UBASH3B: variants seen among roughly 807,000 people sequenced by gnomAD.
The protein encoded by UBASH3B is ubiquitin-associated and SH3 domain-containing protein B.
A neutral mutation model predicts 83.4 loss-of-function variants in UBASH3B; 37 were observed. That is an observed-to-expected ratio of 0.44 (90% confidence interval 0.34 to 0.58). UBASH3B has a LOEUF of 0.58. Among genes scored for constraint, UBASH3B ranks in the 20% least tolerant of loss-of-function variants. The pLI is 0.01. For synonymous variants in UBASH3B, 304 were observed against 318.3 expected, an observed-to-expected ratio of 0.96 and a Z score of 0.48; for missense variants, 657 against 827.2, an observed-to-expected ratio of 0.79 and a Z score of 2.52.
At chr11:122,741,912 C>T (rs1246959440) in intron 1 of UBASH3B, among the ~76,000 whole-genome samples, 1 of 152,176 alleles carries the variant, frequency 6.6e-6, no homozygotes, top group Non-Finnish European at 1.5e-5. Flanking sequence ...CAGTCCAACC[C>T]CGCTAGGAGG....
At chr11:122,712,479 G>T (rs1383970454) in intron 1 of UBASH3B, among the ~76,000 whole-genome samples, 1 of 152,082 alleles carries the variant, frequency 6.6e-6, no homozygotes, top group Non-Finnish European at 1.5e-5. Context: ...TGGACCCAGG[G>T]GCTCTCATGC....
intron 1 of UBASH3B, among the ~76,000 whole-genome samples, chr11:122,674,746 T>TG (rs1863645354): frequency 7.9e-6 from 1 of 126,738 alleles, no homozygotes; most frequent in Non-Finnish European, 1.7e-5. Context: ...TTTTTTTTTT[T>TG]GAGGCGGAGT....
intron 11 of UBASH3B, among the ~76,000 whole-genome samples, chr11:122,804,383 G>C (rs536471618): frequency 6.6e-6 from 1 of 152,260 alleles, no homozygotes; most frequent in South Asian, 2.1e-4. Flanking sequence ...ATATGGGCAA[G>C]TTTCCTTCAA....
intron 1 of UBASH3B, among the ~76,000 whole-genome samples, chr11:122,666,407 T>C (rs1362640952): frequency 1.3e-5 from 2 of 150,874 alleles, no homozygotes; most frequent in Non-Finnish European, 3.0e-5. Flanking sequence ...GTTTTTTTTT[T>C]CTTTTGTTTT....
At chr11:122,805,746 C>T (rs1328937379) in intron 11 of UBASH3B, among the ~76,000 whole-genome samples, 1 of 152,102 alleles carries the variant, frequency 6.6e-6, no homozygotes, top group Non-Finnish European at 1.5e-5. Flanking sequence ...CACAGCCAGG[C>T]CCCCAGGCCG....
intron 1 of UBASH3B, among the ~76,000 whole-genome samples, chr11:122,751,902 C>T (rs1054031982): frequency 6.6e-6 from 1 of 152,162 alleles, no homozygotes; most frequent in Non-Finnish European, 1.5e-5. Context: ...AGACCAATTG[C>T]TACAACCAAA....
At chr11:122,688,274 C>A (rs986092603) in intron 1 of UBASH3B, among the ~76,000 whole-genome samples, 1 of 151,518 alleles carries the variant, frequency 6.6e-6, no homozygotes, top group Non-Finnish European at 1.5e-5. Context: ...CCTTCCTCCC[C>A]TTCCTTCCTC....
chr11:122,750,541 T>C (rs1861183696), intron 1 of UBASH3B, among the ~76,000 whole-genome samples: 1 of 152,126 alleles, frequency 6.6e-6, no homozygotes, highest in Admixed American at 6.6e-5. Flanking sequence ...ATTCCATCCA[T>C]CCTGAAGAGA....
chr11:122,781,340 C>T (rs1313140292), intron 4 of UBASH3B, among the ~76,000 whole-genome samples: 4 of 152,166 alleles, frequency 2.6e-5, no homozygotes. Flanking sequence ...TTTCTCTCAT[C>T]CCACAGTAGT....
chr11:122,807,446 C>A (rs544462473), intron 12 of UBASH3B, among the ~76,000 whole-genome samples: 39 of 152,198 alleles, frequency 2.6e-4, no homozygotes, highest in Non-Finnish European at 4.9e-4. Flanking sequence ...TGATACTGTA[C>A]CATAGTTATG....
intron 3 of UBASH3B, among the ~76,000 whole-genome samples, chr11:122,778,488 A>C (rs183867450): frequency 2.9e-4 from 44 of 151,958 alleles, no homozygotes; most frequent in Middle Eastern, 3.4e-3. Context: ...AGTACAGATG[A>C]TACAAAATAG....
chr11:122,762,476 G>A (rs1001414021), intron 1 of UBASH3B, among the ~76,000 whole-genome samples: 1 of 152,120 alleles, frequency 6.6e-6, no homozygotes, highest in South Asian at 2.1e-4. Flanking sequence ...GGATACTTCC[G>A]CTCAGCAAAA....
intron 1 of UBASH3B, among the ~76,000 whole-genome samples, chr11:122,732,939 G>T (rs1255316264): frequency 6.6e-6 from 1 of 152,098 alleles, no homozygotes; most frequent in African/African-American, 2.4e-5. Flanking sequence ...CTCTCTCAAT[G>T]AATCATTAAA....
rs910180576 is a variant in UBASH3B, at chr11:122,738,751, G to T, written c.162-37468G>T. 3.3e-5 allele frequency among the ~76,000 whole-genome samples: 5 copies of T among 152,046 alleles called. No homozygotes were observed. The East Asian group carries it at 5.8e-4, about 18-fold the overall frequency. On this transcript the variant is annotated intron_variant, in intron 1 of 13. Transcript: ENST00000284273. ...AAAAATACAAAATTAGCTGGGCGTG[G>T]TGGTGCATGCCTGTAATCACAGCTA... is the stretch of plus-strand genomic sequence containing the variant.
At chr11:122,660,442 A>G (rs564471996) in intron 1 of UBASH3B, among the ~76,000 whole-genome samples, 7 of 152,290 alleles carry the variant, frequency 4.6e-5, no homozygotes, top group African/African-American at 1.7e-4. Context: ...CCTTGAGGCT[A>G]GTGAGGTTGG....
At chr11:122,665,058 G>A (rs1182958894) in intron 1 of UBASH3B, among the ~76,000 whole-genome samples, 1 of 152,008 alleles carries the variant, frequency 6.6e-6, no homozygotes, top group Non-Finnish European at 1.5e-5. Context: ...ACAGGCGCCC[G>A]CCAATACCAG....
intron 1 of UBASH3B, among the ~76,000 whole-genome samples, chr11:122,767,812 G>A (rs530044182): frequency 1.3e-5 from 2 of 152,336 alleles, no homozygotes; most frequent in African/African-American, 4.8e-5. Flanking sequence ...GACAGGTACT[G>A]TAGAGACAGG....
intron 1 of UBASH3B, among the ~76,000 whole-genome samples, chr11:122,675,198 T>G (rs140642712): frequency 1.9e-4 from 29 of 152,328 alleles, no homozygotes; most frequent in Non-Finnish European, 4.0e-4. Context: ...CTGGTTTATT[T>G]TTGTTCCTGG....
intron 6 of UBASH3B, among the ~76,000 whole-genome samples, chr11:122,793,775 G>A (rs974992857): frequency 6.6e-6 from 1 of 152,190 alleles, no homozygotes. Flanking sequence ...TTGGCTCACA[G>A]CTCTAAACGT....
Sources: allele counts gnomAD v4.1 joint callset (sites outside exome capture counted in the v4.1 genomes callset), GRCh38; gene constraint gnomAD v4.1.1; transcripts MANE v1.5; gene names NCBI Gene and HGNC (gene_info 2026-07-23, HGNC 2026-07-21).